Variants in PRR16 observed in about 807,000 individuals in gnomAD.
The protein encoded by PRR16 is proline rich 16.
PRR16 carries 6 observed loss-of-function variants against 18.2 expected under a neutral mutation model. That is an observed-to-expected ratio of 0.33 (90% CI 0.18 to 0.65). PRR16 has a LOEUF of 0.65. Among genes scored for constraint, PRR16 ranks in the 30% least tolerant of loss-of-function variants. PRR16 has a pLI of 0.74. For synonymous variants in PRR16, 151 were observed against 147.8 expected (o/e 1.02, Z -0.16); for missense variants, 412 against 376.6 (o/e 1.09, Z -0.78).
chr5:120,763,796 T>TTTTA, the PRR16 span, among the ~76,000 whole-genome samples: 1 of 152,074 alleles, frequency 6.6e-6, no homozygotes, highest in Non-Finnish European at 1.5e-5. Flanking sequence ...TTCCTAGGTG[T>TTTTA]TTTATTTATT....
intron 1 of PRR16, among the ~76,000 whole-genome samples, chr5:120,673,188 C>T (rs905049328): frequency 2.6e-5 from 4 of 152,192 alleles, no homozygotes; most frequent in Admixed American, 2.6e-4. Context: ...ACATGCAATA[C>T]ATTTAACTAT....
intron 1 of PRR16, among the ~76,000 whole-genome samples, chr5:120,672,934 TTAGGTTA>T (rs1756665121): frequency 1.3e-5 from 2 of 152,172 alleles, no homozygotes; most frequent in Non-Finnish European, 2.9e-5. Context: ...TGTACATCTA[TTAGGTTA>T]CTAAAGCAAT....
intron 1 of PRR16, among the ~76,000 whole-genome samples, chr5:120,550,603 G>A (rs1036904163): frequency 6.6e-6 from 1 of 152,012 alleles, no homozygotes; most frequent in African/African-American, 2.4e-5. Flanking sequence ...GTCAGGCCTG[G>A]ATTTGAATCC....
intron 1 of PRR16, among the ~76,000 whole-genome samples, chr5:120,667,820 C>T (rs1419651647): frequency 1.3e-5 from 2 of 152,024 alleles, no homozygotes; most frequent in Non-Finnish European, 2.9e-5. Context: ...GTCTGAGAGA[C>T]CGTTTGTTAT....
intron 1 of PRR16, among the ~76,000 whole-genome samples, chr5:120,513,614 T>C (rs1243035050): frequency 6.6e-6 from 1 of 152,112 alleles, no homozygotes; most frequent in Non-Finnish European, 1.5e-5. Flanking sequence ...CTACTGGCCC[T>C]CCTCATCACA....
chr5:120,603,204 G>T (rs575354897), intron 1 of PRR16, among the ~76,000 whole-genome samples: 6 of 151,930 alleles, frequency 3.9e-5, no homozygotes, highest in Non-Finnish European at 8.8e-5. Context: ...GACATTTCCT[G>T]GTTGGTAGGT....
intron 1 of PRR16, among the ~76,000 whole-genome samples, chr5:120,501,918 T>C (rs1750468121): frequency 8.1e-6 from 1 of 124,006 alleles, no homozygotes; most frequent in South Asian, 2.5e-4. Flanking sequence ...ATCGCGCCAC[T>C]GCACTCCAGC....
intron 1 of PRR16, among the ~76,000 whole-genome samples, chr5:120,609,070 A>G (rs1016467300): frequency 2.4e-4 from 37 of 151,850 alleles, no homozygotes; most frequent in African/African-American, 8.0e-4. Context: ...CTTTTATTTC[A>G]TAAGAAGAGA....
chr5:120,585,687 A>AT (rs1214450466), intron 1 of PRR16, among the ~76,000 whole-genome samples: 6 of 150,718 alleles, frequency 4.0e-5, no homozygotes, highest in Admixed American at 6.6e-5. Flanking sequence ...ATGTAGCTTA[A>AT]TTTTTTTTGT....
chr5:120,746,872 C>T, the PRR16 span, among the ~76,000 whole-genome samples: 1 of 152,016 alleles, frequency 6.6e-6, no homozygotes, highest in African/African-American at 2.4e-5. Flanking sequence ...TTCTCTTCAT[C>T]GGGAGTCACA....
At chr5:120,476,135 C>T (rs1749434357) in intron 1 of PRR16, among the ~76,000 whole-genome samples, 1 of 152,176 alleles carries the variant, frequency 6.6e-6, no homozygotes, top group African/African-American at 2.4e-5. Flanking sequence ...ATTCTCTAAA[C>T]ACTGCCAGAT....
the PRR16 span, among the ~76,000 whole-genome samples, chr5:120,793,087 G>A: frequency 1.3e-5 from 2 of 152,212 alleles, no homozygotes; most frequent in African/African-American, 4.8e-5. Flanking sequence ...AGGAGAAGGA[G>A]TTTGCAGCGA....
chr5:120,489,045 A>G (rs1448199662), intron 1 of PRR16, among the ~76,000 whole-genome samples: 1 of 152,028 alleles, frequency 6.6e-6, no homozygotes, highest in Non-Finnish European at 1.5e-5. Flanking sequence ...GTTCTTTTAC[A>G]TTTGCTGAGG....
intron 1 of PRR16, among the ~76,000 whole-genome samples, chr5:120,624,929 T>G (rs1261364717): frequency 6.6e-6 from 1 of 152,108 alleles, no homozygotes; most frequent in Non-Finnish European, 1.5e-5. Context: ...AGAGGTTCCC[T>G]GCGCAAGCTC....
intron 1 of PRR16, among the ~76,000 whole-genome samples, chr5:120,631,262 C>T (rs1336176355): frequency 6.6e-6 from 1 of 152,108 alleles, no homozygotes; most frequent in African/African-American, 2.4e-5. Flanking sequence ...GACAGAGCAG[C>T]TTGTGGAGAC....
In PRR16 at chr5:120,526,843, C is replaced by A. The variant is rs562813307; in HGVS notation, c.159+62198C>A. ...CAATCTCCTGACCTGCCTGGCTCGG[C>A]CTCCCAAAGTGCTGGGGTTACAGGT... On this transcript the variant is annotated intron_variant, in intron 1 of 1. Transcript: ENST00000407149. 1.6e-4 allele frequency among the ~76,000 whole-genome samples: 24 copies of A among 152,244 alleles called. No individual in the cohort carries two copies. The South Asian group carries it at 4.1e-3, about 26-fold the overall frequency.
rs1056472564 is a variant in PRR16 at position 120,491,119 on chromosome 5, A to G, written c.159+26474A>G. 4.0e-4 allele frequency among the ~76,000 whole-genome samples: 61 copies of G among 152,156 alleles called. 1 individual carries two copies. The highest frequency in any genetic ancestry group is 1.3e-4 in the Non-Finnish European group (9 of 68,028). ...GGGTCAGGGACGCACTTGAGGAGGC[A>G]GTCTGTCCGTTCTCAGATCTCCAGC... is the stretch of plus-strand genomic sequence containing the variant. On this transcript the variant is annotated intron_variant, in intron 1 of 1. Transcript: ENST00000407149.
At chr5:120,754,274 TAATA>T in the PRR16 span, among the ~76,000 whole-genome samples, 1 of 37,204 alleles carries the variant, frequency 2.7e-5, no homozygotes, top group African/African-American at 9.5e-5. Flanking sequence ...AAATATAAAA[TAATA>T]TATAAATATA....
At chr5:120,725,702 T>G in the PRR16 span, among the ~76,000 whole-genome samples, 1 of 152,030 alleles carries the variant, frequency 6.6e-6, no homozygotes, top group Non-Finnish European at 1.5e-5. Context: ...GCTGTAGTTC[T>G]CAACTGTTTA....
Sources: allele counts gnomAD v4.1 joint callset (sites outside exome capture counted in the v4.1 genomes callset), GRCh38; gene constraint gnomAD v4.1.1; transcripts MANE v1.5; gene names NCBI Gene and HGNC (gene_info 2026-07-23, HGNC 2026-07-21).